The following GRID2 variants were observed in gnomAD, a reference collection of about 807,000 sequenced individuals.
GRID2 encodes glutamate ionotropic receptor delta type subunit 2.
Under a neutral mutation model 114.8 loss-of-function variants are expected in GRID2, and 33 were observed. The observed-to-expected ratio is 0.29, with a 90% CI of 0.22 to 0.38. The LOEUF (loss-of-function observed/expected upper bound fraction) is 0.38, where lower values mean the gene tolerates loss of function less well. Ranked by LOEUF, GRID2 falls within the 10% of genes least tolerant of loss-of-function variation. The pLI, the probability that GRID2 is intolerant of heterozygous loss-of-function variation, is 1.00. For synonymous variants in GRID2, 505 were observed against 449.9 expected (o/e 1.12, Z -1.55); for missense variants, 1,184 against 1,257.7 (o/e 0.94, Z 0.89).
At chr4:92,427,045 AC>A (rs1732194894) in intron 1 of GRID2, among the ~76,000 whole-genome samples, 1 of 152,172 alleles carries the variant, frequency 6.6e-6, no homozygotes, top group Non-Finnish European at 1.5e-5. Flanking sequence ...AACTCAGATC[AC>A]ATTGAATTAT....
intron 13 of GRID2, among the ~76,000 whole-genome samples, chr4:93,567,436 C>T (rs983006793): frequency 4.6e-5 from 7 of 152,046 alleles, no homozygotes; most frequent in African/African-American, 7.2e-5. Context: ...TTGAGAAAGG[C>T]GTCTTCTGAT....
chr4:93,633,329 A>G (rs756077538), intron 14 of GRID2, among the ~76,000 whole-genome samples: 1 of 151,926 alleles, frequency 6.6e-6, no homozygotes, highest in Non-Finnish European at 1.5e-5. Context: ...AATACAAATT[A>G]TTCAAAAAAT....
intron 1 of GRID2, among the ~76,000 whole-genome samples, chr4:92,437,228 C>T (rs550640575): frequency 9.2e-5 from 14 of 152,132 alleles, no homozygotes; most frequent in African/African-American, 3.1e-4. Flanking sequence ...AGCATTTCAC[C>T]GACGAATGAT....
intron 14 of GRID2, among the ~76,000 whole-genome samples, chr4:93,742,703 A>G (rs1187967166): frequency 6.6e-6 from 1 of 152,182 alleles, no homozygotes; most frequent in Non-Finnish European, 1.5e-5. Context: ...CCGAACCCAG[A>G]GAAGATGGCA....
intron 2 of GRID2, among the ~76,000 whole-genome samples, chr4:93,033,686 T>A (rs1413375599): frequency 1.3e-5 from 2 of 152,110 alleles, no homozygotes; most frequent in East Asian, 3.9e-4. Context: ...CTCTCCTCTC[T>A]CTCCTTGTTT....
chr4:93,660,476 G>T (rs1723392806), intron 14 of GRID2, among the ~76,000 whole-genome samples: 1 of 152,096 alleles, frequency 6.6e-6, no homozygotes, highest in South Asian at 2.1e-4. Context: ...TGATTATGGA[G>T]TAAATGCCTT....
At chr4:92,846,293 G>A (rs1011398854) in intron 2 of GRID2, among the ~76,000 whole-genome samples, 2 of 151,976 alleles carry the variant, frequency 1.3e-5, no homozygotes, top group African/African-American at 4.8e-5. Flanking sequence ...GTACCTAATA[G>A]GTATTTTTTG....
intron 8 of GRID2, among the ~76,000 whole-genome samples, chr4:93,307,033 T>C (rs1294142853): frequency 6.6e-6 from 1 of 151,848 alleles, no homozygotes; most frequent in East Asian, 1.9e-4. Flanking sequence ...CCGTCTCTAC[T>C]AAAAATACAA....
chr4:93,128,178 A>G (rs1037371101), intron 4 of GRID2, among the ~76,000 whole-genome samples: 40 of 152,122 alleles, frequency 2.6e-4, no homozygotes, highest in African/African-American at 9.6e-4. Flanking sequence ...AATTATTTGT[A>G]AGGCGAGCTT....
At chr4:93,081,040 C>A (rs1166989556) in intron 2 of GRID2, among the ~76,000 whole-genome samples, 2 of 152,212 alleles carry the variant, frequency 1.3e-5, no homozygotes, top group Non-Finnish European at 2.9e-5. Context: ...AAACACATCA[C>A]ATTAGGTTCC....
At chr4:93,476,322 A>G (rs1011750225) in intron 11 of GRID2, among the ~76,000 whole-genome samples, 2 of 152,284 alleles carry the variant, frequency 1.3e-5, no homozygotes, top group Admixed American at 1.3e-4. Flanking sequence ...TGAGAAAAAC[A>G]CAGGGATGAT....
At chr4:93,597,980 G>A (rs1739267557) in intron 13 of GRID2, among the ~76,000 whole-genome samples, 1 of 152,156 alleles carries the variant, frequency 6.6e-6, no homozygotes, top group South Asian at 2.1e-4. Flanking sequence ...TGACTTAAAG[G>A]ATTGCAGCCT....
chr4:92,574,413 AT>A (rs58296126), intron 1 of GRID2, among the ~76,000 whole-genome samples: 62,397 of 112,186 alleles, frequency 0.56, 14,808 homozygotes, highest in Non-Finnish European at 0.6. Flanking sequence ...GTACTTTAGT[AT>A]TTTTTTTTTT....
At chr4:93,310,009 A>C (rs1560483289) in intron 8 of GRID2, among the ~76,000 whole-genome samples, 1 of 152,064 alleles carries the variant, frequency 6.6e-6, no homozygotes, top group Non-Finnish European at 1.5e-5. Flanking sequence ...ACAGCTCTCC[A>C]CTGATACCTC....
intron 2 of GRID2, among the ~76,000 whole-genome samples, chr4:93,039,768 A>G (rs1352007949): frequency 6.6e-6 from 1 of 152,152 alleles, no homozygotes; most frequent in Non-Finnish European, 1.5e-5. Flanking sequence ...GTCCTTGGGC[A>G]TGTTTATGCT....
chr4:93,159,383 C>T (rs1737472933), intron 4 of GRID2, among the ~76,000 whole-genome samples: 1 of 151,728 alleles, frequency 6.6e-6, no homozygotes, highest in Non-Finnish European at 1.5e-5. Context: ...TTATTGTATT[C>T]AAGTTATTGA....
intron 2 of GRID2, among the ~76,000 whole-genome samples, chr4:92,878,338 G>A (rs1745775764): frequency 6.6e-6 from 1 of 152,066 alleles, no homozygotes; most frequent in Admixed American, 6.5e-5. Context: ...TTTAGAAAAA[G>A]TATTTTTAAA....
intron 2 of GRID2, among the ~76,000 whole-genome samples, chr4:92,918,143 C>T (rs1254422525): frequency 1.3e-5 from 2 of 152,178 alleles, no homozygotes; most frequent in Admixed American, 1.3e-4. Context: ...CATGATTTGG[C>T]TCTCTGTTTG....
intron 13 of GRID2, among the ~76,000 whole-genome samples, chr4:93,594,128 A>G (rs1057009630): frequency 1.4e-4 from 21 of 152,022 alleles, no homozygotes; most frequent in African/African-American, 3.1e-4. Flanking sequence ...GAGGAGAGGC[A>G]CTCTGCTTTT....
Sources: gnomAD v4.1 joint callset for allele counts (sites outside exome capture counted in the v4.1 genomes callset) on GRCh38, gnomAD v4.1.1 for gene constraint, MANE v1.5 for transcripts, NCBI Gene and HGNC (gene_info 2026-07-23, HGNC 2026-07-21) for gene names.